MED12L: variants seen among roughly 807,000 people sequenced by gnomAD.
MED12L encodes mediator complex subunit 12L, also known as mediator of RNA polymerase II transcription subunit 12-like protein.
MED12L carries 60 observed loss-of-function variants against 281.3 expected under a neutral mutation model. That is an observed-to-expected ratio of 0.21 (90% CI 0.17 to 0.26). MED12L has a LOEUF of 0.26. Among genes scored for constraint, MED12L ranks in the 10% least tolerant of loss-of-function variants. The pLI, the probability that MED12L is intolerant of heterozygous loss-of-function variation, is 1.00. For missense variants in MED12L, 2,146 were observed against 2,680.9 expected, an observed-to-expected ratio of 0.80 and a Z score of 4.41; for synonymous variants, 974 against 987.2, an observed-to-expected ratio of 0.99 and a Z score of 0.25.
chr3:151,250,681 G>A (rs976981986), intron 16 of MED12L, among the ~76,000 whole-genome samples: 2 of 152,120 alleles, frequency 1.3e-5, no homozygotes, highest in Non-Finnish European at 2.9e-5. Context: ...CATAGTCCTT[G>A]GGTAGCATCC....
intron 16 of MED12L, among the ~76,000 whole-genome samples, chr3:151,266,177 T>G (rs923679054): frequency 2.6e-5 from 4 of 152,234 alleles, no homozygotes; most frequent in Non-Finnish European, 4.4e-5. Flanking sequence ...TGCTGCTGCC[T>G]CTGTGCCTTT....
intron 2 of MED12L, among the ~76,000 whole-genome samples, chr3:151,106,247 C>T (rs1471824443): frequency 2.0e-5 from 3 of 146,672 alleles, no homozygotes; most frequent in African/African-American, 7.6e-5. Context: ...CTTTCCTTTC[C>T]TTTCCTTTTC....
intron 11 of MED12L, among the ~76,000 whole-genome samples, chr3:151,169,651 CAAT>C (rs1721179185): frequency 1.3e-5 from 2 of 152,054 alleles, no homozygotes; most frequent in African/African-American, 4.8e-5. Flanking sequence ...AAATTGTTAA[CAAT>C]AATAATATAG....
chr3:151,205,794 A>G (rs566231792), intron 16 of MED12L, among the ~76,000 whole-genome samples: 2 of 152,296 alleles, frequency 1.3e-5, no homozygotes, highest in Admixed American at 6.5e-5. Flanking sequence ...AGTGATTACA[A>G]TGGAGGCCAT....
intron 16 of MED12L, among the ~76,000 whole-genome samples, chr3:151,345,116 A>G (rs918605239): frequency 2.6e-5 from 4 of 152,212 alleles, no homozygotes; most frequent in African/African-American, 7.2e-5. Flanking sequence ...TTCTGTGAGT[A>G]TGAGATAATA....
intron 16 of MED12L, among the ~76,000 whole-genome samples, chr3:151,333,880 C>G (rs922746511): frequency 6.6e-6 from 1 of 151,590 alleles, no homozygotes; most frequent in African/African-American, 2.4e-5. Context: ...GAGTTCAAGA[C>G]CAGCCTGGCC....
chr3:151,334,335 GT>G (rs1750721803), intron 16 of MED12L, among the ~76,000 whole-genome samples: 1 of 150,242 alleles, frequency 6.7e-6, no homozygotes, highest in South Asian at 2.1e-4. Flanking sequence ...TGACAGTATT[GT>G]AATCACACCT....
chr3:151,168,203 G>C (rs1467980945), intron 11 of MED12L, among the ~76,000 whole-genome samples: 1 of 152,178 alleles, frequency 6.6e-6, no homozygotes, highest in African/African-American at 2.4e-5. Context: ...TCTCCGGAGT[G>C]GGTGCTTGCA....
intron 5 of MED12L, among the ~76,000 whole-genome samples, chr3:151,141,178 GT>G (rs370095367): frequency 7.4e-4 from 76 of 102,218 alleles, no homozygotes; most frequent in Admixed American, 2.5e-3. Flanking sequence ...TTTTTTTTTT[GT>G]TTTTTTTGTT....
chr3:151,203,140 T>A (rs1725878435), intron 16 of MED12L: 1 of 152,216 alleles, frequency 6.6e-6, no homozygotes, highest in Admixed American at 6.5e-5. Context: ...CAAGCCTTGC[T>A]GCAAGTCTTC....
intron 2 of MED12L, among the ~76,000 whole-genome samples, chr3:151,099,630 A>G (rs1015612290): frequency 6.6e-6 from 1 of 152,208 alleles, no homozygotes; most frequent in African/African-American, 2.4e-5. Context: ...TTCACAGACA[A>G]ATAGTTAAAA....
chr3:151,348,747 G>A (rs956532312), intron 16 of MED12L, among the ~76,000 whole-genome samples: 5 of 152,134 alleles, frequency 3.3e-5, no homozygotes, highest in African/African-American at 7.2e-5. Flanking sequence ...AAGACAGACC[G>A]ACACAAAGAC....
At chr3:151,148,054 A>G (rs1024987378) in intron 5 of MED12L, among the ~76,000 whole-genome samples, 1 of 152,150 alleles carries the variant, frequency 6.6e-6, no homozygotes, top group Non-Finnish European at 1.5e-5. Flanking sequence ...TCTTTTTATT[A>G]TAGCTGTCCT....
chr3:151,088,139 C>T (rs1719529400), intron 2 of MED12L, among the ~76,000 whole-genome samples: 1 of 152,170 alleles, frequency 6.6e-6, no homozygotes, highest in South Asian at 2.1e-4. Context: ...AGAGTAAGTG[C>T]TTGTTCTGGC....
chr3:151,242,068 G>T (rs1256572758), intron 16 of MED12L, among the ~76,000 whole-genome samples: 2 of 152,184 alleles, frequency 1.3e-5, no homozygotes, highest in Non-Finnish European at 2.9e-5. Flanking sequence ...TTTCCGACGG[G>T]CTTAAAAAAC....
chr3:151,336,327 G>A (rs10513393), intron 16 of MED12L, among the ~76,000 whole-genome samples: 16,849 of 152,114 alleles, frequency 0.11, 1,227 homozygotes, highest in Middle Eastern at 0.17. Context: ...TAGTGGTGCC[G>A]GAGAAAGAAA....
chr3:151,300,403 C>T (rs966506757), intron 16 of MED12L, among the ~76,000 whole-genome samples: 1 of 152,122 alleles, frequency 6.6e-6, no homozygotes, highest in Non-Finnish European at 1.5e-5. Flanking sequence ...TGGCTACATA[C>T]CTTAACATTT....
chr3:151,217,455 A>G (rs1270118696), intron 16 of MED12L, among the ~76,000 whole-genome samples: 1 of 152,218 alleles, frequency 6.6e-6, no homozygotes, highest in Non-Finnish European at 1.5e-5. Context: ...TTTGAGTTGG[A>G]TGGAAGGGAC....
chr3:151,113,471 C>T lies in MED12L; in HGVS notation c.100-2867C>T, dbSNP rs80079036. ...GCATTTGGAGCAGGAGTGACATGGT[C>T]TCACTTGAGTTTTAAAAAGCTCCCT... On this transcript the variant is annotated intron_variant, in intron 2 of 44. Coordinates refer to ENST00000687756, the MANE Select transcript of MED12L (RefSeq NM_001393769.1). 5.1e-3 allele frequency among the ~76,000 whole-genome samples: 779 copies of T among 152,242 alleles called. 10 individuals carry two copies. The highest frequency in any genetic ancestry group is 0.018 in the African/African-American group (739 of 41,514).
Sources: allele counts gnomAD v4.1 joint callset (sites outside exome capture counted in the v4.1 genomes callset), GRCh38; gene constraint gnomAD v4.1.1; transcripts MANE v1.5; gene names NCBI Gene and HGNC (gene_info 2026-07-23, HGNC 2026-07-21).